Variants in NKAIN3 observed in about 807,000 individuals in gnomAD.
NKAIN3 encodes sodium/potassium-transporting ATPase subunit beta-1-interacting protein 3.
NKAIN3 carries 25 observed loss-of-function variants against 30.2 expected under a neutral mutation model. The observed-to-expected ratio is 0.83, with a 90% CI of 0.60 to 1.16. NKAIN3 has a LOEUF of 1.16. Ranked by LOEUF, NKAIN3 falls within the 50% of genes most tolerant of loss-of-function variation. The pLI is 0.00. For missense variants in NKAIN3, 225 were observed against 254.1 expected, an observed-to-expected ratio of 0.89 and a Z score of 0.78; for synonymous variants, 91 against 89.6, an observed-to-expected ratio of 1.02 and a Z score of -0.09.
At chr8:62,382,511 T>C (rs1027991911) in intron 1 of NKAIN3, among the ~76,000 whole-genome samples, 2 of 152,148 alleles carry the variant, frequency 1.3e-5, no homozygotes, top group African/African-American at 4.8e-5. Context: ...CTTTTCCATT[T>C]CTCTAAGTAT....
intron 4 of NKAIN3, among the ~76,000 whole-genome samples, chr8:62,754,375 C>A (rs1223607918): frequency 5.3e-5 from 8 of 151,894 alleles, no homozygotes; most frequent in Non-Finnish European, 1.2e-4. Context: ...CACACACACA[C>A]ACACACACAC....
At chr8:62,860,474 G>A (rs201135680) in intron 4 of NKAIN3, among the ~76,000 whole-genome samples, 5 of 152,194 alleles carry the variant, frequency 3.3e-5, no homozygotes, top group African/African-American at 9.6e-5. Flanking sequence ...TTTCTCCCTC[G>A]CTTCTGTTTT....
In NKAIN3 at chr8:62,782,911, T is replaced by C. The variant is rs546830334; in HGVS notation, c.471+35782T>C. On this transcript the variant is annotated intron_variant, in intron 4 of 6. Coordinates refer to ENST00000623646, the MANE Select transcript of NKAIN3 (RefSeq NM_001304533.3). ...AAGGTGACTGTACATAGTAACAATATTGTGTGTATTTCAAAATAATTAGAA... is the reference window on the plus strand; with the variant it reads ...AAGGTGACTGTACATAGTAACAATACTGTGTGTATTTCAAAATAATTAGAA... Among the ~76,000 whole-genome samples, 153 of 151,774 alleles carry C rather than the reference T, an allele frequency of 1.0e-3. 2 individuals are homozygous for C. Among genetic ancestry groups the C allele is most frequent in the African/African-American group, 3.6e-3 (151 of 41,396 alleles).
intron 1 of NKAIN3, among the ~76,000 whole-genome samples, chr8:62,280,482 G>A (rs889100212): frequency 6.6e-6 from 1 of 152,032 alleles, no homozygotes; most frequent in African/African-American, 2.4e-5. Flanking sequence ...TCCAGTTTTT[G>A]CCCATTCAGT....
At chr8:62,317,951 A>C (rs1238175285) in intron 1 of NKAIN3, among the ~76,000 whole-genome samples, 2 of 152,134 alleles carry the variant, frequency 1.3e-5, no homozygotes, top group South Asian at 4.1e-4. Flanking sequence ...CTTGTATTTC[A>C]TTGAGCAGTG....
chr8:62,800,178 C>T (rs748444036), intron 4 of NKAIN3, among the ~76,000 whole-genome samples: 6 of 151,876 alleles, frequency 4.0e-5, no homozygotes, highest in Non-Finnish European at 5.9e-5. Flanking sequence ...AAACACTACC[C>T]GTTCCCCAAA....
At chr8:62,271,624 G>C (rs546440297) in intron 1 of NKAIN3, among the ~76,000 whole-genome samples, 2 of 152,242 alleles carry the variant, frequency 1.3e-5, no homozygotes, top group Non-Finnish European at 2.9e-5. Context: ...CATGTTAGCT[G>C]TTTTAATTTT....
At chr8:62,701,200 A>G (rs1420834304) in intron 3 of NKAIN3, among the ~76,000 whole-genome samples, 1 of 152,194 alleles carries the variant, frequency 6.6e-6, no homozygotes, top group Non-Finnish European at 1.5e-5. Context: ...ACTATAATGC[A>G]ATAGATGTTA....
chr8:62,263,117 A>G (rs1327937289), intron 1 of NKAIN3, among the ~76,000 whole-genome samples: 1 of 152,320 alleles, frequency 6.6e-6, no homozygotes, highest in East Asian at 1.9e-4. Flanking sequence ...TTTCACATTT[A>G]GAGGACCACA....
chr8:62,497,707 A>C (rs1190156002), intron 1 of NKAIN3, among the ~76,000 whole-genome samples: 1 of 152,094 alleles, frequency 6.6e-6, no homozygotes, highest in Non-Finnish European at 1.5e-5. Context: ...GCTGAGTGCC[A>C]AATTTGAACC....
At chr8:62,931,170 G>C (rs967649772) in intron 5 of NKAIN3, among the ~76,000 whole-genome samples, 1 of 152,058 alleles carries the variant, frequency 6.6e-6, no homozygotes, top group African/African-American at 2.4e-5. Flanking sequence ...ACATTCGCTG[G>C]TTTTTAAGCT....
intron 3 of NKAIN3, among the ~76,000 whole-genome samples, chr8:62,698,098 A>T (rs970772937): frequency 1.3e-5 from 2 of 152,188 alleles, no homozygotes; most frequent in Admixed American, 1.3e-4. Context: ...AAAGTAACAG[A>T]TTAAATCAGT....
intron 1 of NKAIN3, among the ~76,000 whole-genome samples, chr8:62,430,009 C>G (rs1804943935): frequency 1.3e-5 from 2 of 151,904 alleles, no homozygotes; most frequent in South Asian, 4.1e-4. Flanking sequence ...TTCTCCCAAC[C>G]TTTATCCCCT....
intron 1 of NKAIN3, among the ~76,000 whole-genome samples, chr8:62,289,596 G>A (rs1213451427): frequency 3.3e-5 from 5 of 152,092 alleles, no homozygotes; most frequent in Non-Finnish European, 5.9e-5. Flanking sequence ...TATTCTATTG[G>A]TCTATATCTC....
chr8:62,878,017 G>T (rs1238665525), intron 4 of NKAIN3, among the ~76,000 whole-genome samples: 1 of 117,318 alleles, frequency 8.5e-6, no homozygotes, highest in Non-Finnish European at 1.6e-5. Flanking sequence ...TCCAGCCTGG[G>T]CAACAAGAAT....
intron 3 of NKAIN3, among the ~76,000 whole-genome samples, chr8:62,639,714 A>G (rs1433941145): frequency 6.6e-6 from 1 of 152,168 alleles, no homozygotes; most frequent in Admixed American, 6.5e-5. Flanking sequence ...GGTCATCAGC[A>G]GGAACAAGCA....
chr8:62,349,767 A>G (rs998121955), intron 1 of NKAIN3, among the ~76,000 whole-genome samples: 1 of 152,134 alleles, frequency 6.6e-6, no homozygotes, highest in African/African-American at 2.4e-5. Flanking sequence ...GCCAACCAGA[A>G]GACAAAGTTT....
intron 4 of NKAIN3, among the ~76,000 whole-genome samples, chr8:62,794,139 T>C (rs1817782866): frequency 6.6e-6 from 1 of 152,198 alleles, no homozygotes; most frequent in Non-Finnish European, 1.5e-5. Flanking sequence ...TATCACTGCT[T>C]TTGCCTTCTG....
intron 3 of NKAIN3, among the ~76,000 whole-genome samples, chr8:62,711,705 A>T (rs1296655740): frequency 6.6e-6 from 1 of 152,134 alleles, no homozygotes; most frequent in Non-Finnish European, 1.5e-5. Context: ...CTCCCTGATT[A>T]GCTTAATAAC....
Sources: gnomAD v4.1 joint callset for allele counts (sites outside exome capture counted in the v4.1 genomes callset) on GRCh38, gnomAD v4.1.1 for gene constraint, MANE v1.5 for transcripts, NCBI Gene and HGNC (gene_info 2026-07-23, HGNC 2026-07-21) for gene names.